RPAP3: variants seen among roughly 807,000 people sequenced by gnomAD.
RPAP3 encodes the protein RNA polymerase II associated protein 3.
Under a neutral mutation model 88.8 loss-of-function variants are expected in RPAP3, and 58 were observed. The observed-to-expected ratio is 0.65, with a 90% CI of 0.53 to 0.81. The LOEUF (loss-of-function observed/expected upper bound fraction) is 0.81, where lower values mean the gene tolerates loss of function less well. Among genes scored for constraint, RPAP3 ranks in the 40% least tolerant of loss-of-function variants. The pLI is 0.00. For missense variants in RPAP3, 751 were observed against 764.3 expected (o/e 0.98, Z 0.20); for synonymous variants, 255 against 259.9 (o/e 0.98, Z 0.18).
intron 7 of RPAP3, among the ~76,000 whole-genome samples, chr12:47,688,639 A>C (rs975740282): frequency 6.6e-6 from 1 of 152,204 alleles, no homozygotes; most frequent in Non-Finnish European, 1.5e-5. Context: ...CTACATCACC[A>C]AACTTCTCAA....
intron 12 of RPAP3, among the ~76,000 whole-genome samples, chr12:47,678,842 G>A (rs371751970): frequency 2.0e-5 from 3 of 152,172 alleles, no homozygotes; most frequent in African/African-American, 4.8e-5. Flanking sequence ...ACAGTGTGGC[G>A]ATTCCTCAAG....
At position 47,697,641 on chromosome 12, in the gene RPAP3, C is replaced by T; in HGVS notation, c.373G>A (p.Gly125Arg). 6.2e-7 allele frequency: 1 copy of T among 1,610,794 alleles called. No homozygotes were observed. Among genetic ancestry groups the T allele is most frequent in the Non-Finnish European group, 8.5e-7 (1 of 1,178,570 alleles). The part of the protein sequence containing the change: ...LSQESESEED[G>R]IHVDSQKALV... ...GCCTTTTGTGAATCTACATGAATCCCATCTTCTTCCGACTCTGATTCTTGA... is the reference window on the plus strand; with the variant it reads ...GCCTTTTGTGAATCTACATGAATCCTATCTTCTTCCGACTCTGATTCTTGA... Residue 125 changes from glycine (G) to arginine (R), a missense_variant, in exon 4 of 17, where the codon GGG (glycine) becomes AGG (arginine). Physicochemically the swap from Gly to Arg is moderately radical, Grantham distance 125 (BLOSUM62 -2). Coordinates refer to ENST00000005386, the MANE Select transcript of RPAP3 (RefSeq NM_024604.3).
chr12:47,689,847 C>T (rs1202644780), intron 6 of RPAP3, among the ~76,000 whole-genome samples: 2 of 152,096 alleles, frequency 1.3e-5, no homozygotes, highest in Admixed American at 1.3e-4. Flanking sequence ...TCAAGACCAG[C>T]CTGGCCAACA....
In RPAP3 at chr12:47,702,792, T is replaced by G. The variant is rs776917570; in HGVS notation, c.49A>C (p.Asn17His). The G allele has an allele frequency of 1.2e-6, 2 of 1,613,452 alleles. No individual in the cohort carries two copies. The highest frequency in any genetic ancestry group is 1.7e-6 in the Non-Finnish European group (2 of 1,179,676). The change falls in exon 2 of 17, where the codon AAT becomes CAT. Residue 17 changes from asparagine (N) to histidine (H), a missense_variant. By Grantham distance (68) the Asn-to-His change is moderately conservative. Transcript: ENST00000005386. The stretch of plus-strand genomic sequence containing the variant: ...ATAAAGTCTTGTAATTCTTCTGCAT[T>G]TTGTTTCACTTGTAGTTGTAATTCG... ...AIELQLQVKQ[N>H]AEELQDFMRD...
intron 16 of RPAP3, among the ~76,000 whole-genome samples, chr12:47,666,032 AAAG>A (rs1938867883): frequency 6.6e-6 from 1 of 152,236 alleles, no homozygotes; most frequent in East Asian, 1.9e-4. Flanking sequence ...CTAAAAAGAT[AAAG>A]AAGAAATAAA....
At chr12:47,679,668 A>C in intron 11 of RPAP3, 36 bp downstream of exon 11, 2 of 1,545,372 alleles carry the variant, frequency 1.3e-6, no homozygotes, top group Non-Finnish European at 1.8e-6. Context: ...ATGTTTCAGA[A>C]AATATGACCA....
At chr12:47,699,479 T>G (rs1939611121) in intron 3 of RPAP3, 1 of 152,228 alleles carries the variant, frequency 6.6e-6, no homozygotes. Context: ...CTCTCTTATA[T>G]TGGGACAATC....
At chr12:47,705,207 A>G (rs2136651245) in intron 1 of RPAP3, among the ~76,000 whole-genome samples, 1 of 152,282 alleles carries the variant, frequency 6.6e-6, no homozygotes, top group East Asian at 1.9e-4. Flanking sequence ...GTAAGGTGGG[A>G]GGGAGAGAGA....
Position 47,689,165 on chromosome 12 carries a change from T to C in RPAP3, c.698A>G (p.Asn233Ser), listed in dbSNP as rs1384140874. The C allele has an allele frequency of 2.0e-6, 3 of 1,482,932 alleles. No individual in the cohort carries two copies. Among genetic ancestry groups the C allele is most frequent in the Non-Finnish European group, 2.8e-6 (3 of 1,071,526 alleles). The allele number at this position is 1,482,932 out of a possible 1,614,324, so 91.9% of individuals were successfully genotyped here. A position where few individuals can be genotyped will look rare whatever the true frequency, so the allele number is the denominator to read the frequency against. Residue 233 changes from asparagine to serine, a missense_variant, in exon 7 of 17, where the codon AAT (asparagine) becomes AGT (serine). Physicochemically the swap from Asn to Ser is conservative, Grantham distance 46 (BLOSUM62 1). Coordinates refer to ENST00000005386, the MANE Select transcript of RPAP3 (RefSeq NM_024604.3). ...GAGTTCATTTGTTGCTTCAAAGTTATTTGGTTCTAGTTCTAATACTCTTTC... is the reference window on the plus strand; with the variant it reads ...GAGTTCATTTGTTGCTTCAAAGTTACTTGGTTCTAGTTCTAATACTCTTTC... ...DYERVLELEP[N>S]NFEATNELRK...
chr12:47,681,583 C>T (rs1182528709), intron 10 of RPAP3, 113 bp downstream of exon 10: 24 of 1,088,860 alleles, frequency 2.2e-5, no homozygotes, highest in African/African-American at 1.6e-5. Flanking sequence ...GGAAAGAAAA[C>T]ATAATTCCCT....
In RPAP3 at chr12:47,673,511, A is replaced by G. The variant is rs1565714687; in HGVS notation, c.1288-3166T>C. Reference sequence around the variant, plus strand: ...AAATGCACTGGAAAAGTATTAAACTAAGAAATCTATTTGCTACTACTAACT... The same window carrying G: ...AAATGCACTGGAAAAGTATTAAACTGAGAAATCTATTTGCTACTACTAACT... On this transcript the variant is annotated intron_variant, in intron 12 of 16. Transcript: ENST00000005386. Among the ~76,000 whole-genome samples the G allele has an allele frequency of 2.0e-5, 3 of 151,966 alleles. No homozygotes were observed. The East Asian group carries it at 5.8e-4, about 29-fold the overall frequency.
rs1236228311 is a variant in RPAP3, at chr12:47,679,790, T to A, written c.1115-16A>T. On this transcript the variant is annotated splice_polypyrimidine_tract_variant and intron_variant, in intron 10 of 16. Coordinates refer to ENST00000005386, the MANE Select transcript of RPAP3 (RefSeq NM_024604.3). Reference sequence around the variant, plus strand: ...GTTTCAAAATCTAAAGCGAATTTTTTAAAAACATTACAACATAGTTAAAAT... The same window carrying A: ...GTTTCAAAATCTAAAGCGAATTTTTAAAAAACATTACAACATAGTTAAAAT... 1 of 1,548,178 alleles carries A rather than the reference T, an allele frequency of 6.5e-7. No individual in the cohort carries two copies. Among genetic ancestry groups the A allele is most frequent in the South Asian group, 1.2e-5 (1 of 86,432 alleles).
chr12:47,684,636 A>G (rs1052599227), intron 9 of RPAP3, among the ~76,000 whole-genome samples: 1 of 152,232 alleles, frequency 6.6e-6, no homozygotes, highest in Non-Finnish European at 1.5e-5. Flanking sequence ...ATATTCCACT[A>G]ATACGATTAT....
chr12:47,672,141 A>G (rs1213776137), intron 12 of RPAP3, among the ~76,000 whole-genome samples: 1 of 152,228 alleles, frequency 6.6e-6, no homozygotes, highest in Non-Finnish European at 1.5e-5. Context: ...CAAAAGGATC[A>G]GGAAAACTTT....
At chr12:47,687,814 C>A in intron 8 of RPAP3, 62 bp downstream of exon 8, 2 of 1,526,694 alleles carry the variant, frequency 1.3e-6, no homozygotes, top group East Asian at 2.4e-5. Context: ...AACTGATATA[C>A]AAGAAATAAA....
At chr12:47,695,864 A>C (rs532123422) in intron 5 of RPAP3, 1 of 152,854 alleles carries the variant, frequency 6.5e-6, no homozygotes, top group Non-Finnish European at 1.5e-5. Context: ...TTTAAAAGTC[A>C]GTATGACTTA....
rs1720126132 is a variant in RPAP3 at position 47,661,337 on chromosome 12, C to G, written c.*2168G>C. On this transcript the variant is annotated 3_prime_UTR_variant, in exon 17 of 17. Coordinates refer to ENST00000005386, the MANE Select transcript of RPAP3 (RefSeq NM_024604.3). ...CAGCCCCTAAAGACTGTTCTTTATT[C>G]TAATCACTTTTAGGAAATGTTGGTA... is the stretch of plus-strand genomic sequence containing the variant. The G allele has an allele frequency of 6.6e-6, 1 of 150,634 alleles. No individual in the cohort carries two copies. Among genetic ancestry groups the G allele is most frequent in the Non-Finnish European group, 1.5e-5 (1 of 67,796 alleles). 9.3% of individuals were successfully genotyped at this position (150,634 alleles called of 1,614,324 possible). A position where few individuals can be genotyped will look rare whatever the true frequency, so the allele number is the denominator to read the frequency against.
At chr12:47,665,049 A>T (rs577052220) in intron 16 of RPAP3, among the ~76,000 whole-genome samples, 1 of 152,228 alleles carries the variant, frequency 6.6e-6, no homozygotes, top group South Asian at 2.1e-4. Context: ...TTGAGAGAAC[A>T]GCCAAAGTCC....
chr12:47,703,885 T>C (rs1418170168), intron 1 of RPAP3, among the ~76,000 whole-genome samples: 1 of 152,156 alleles, frequency 6.6e-6, no homozygotes, highest in Non-Finnish European at 1.5e-5. Context: ...ACTCAAACAG[T>C]GGCCTAGATT....
Sources: gnomAD v4.1 joint callset for allele counts (sites outside exome capture counted in the v4.1 genomes callset) on GRCh38, gnomAD v4.1.1 for gene constraint, MANE v1.5 for transcripts, NCBI Gene and HGNC (gene_info 2026-07-23, HGNC 2026-07-21) for gene names.